Variants in TUT4 observed in about 807,000 individuals in gnomAD.
TUT4 encodes the protein terminal uridylyltransferase 4.
In TUT4, 36 loss-of-function variants were observed where a neutral mutation model predicts 192.2. That is an observed-to-expected ratio of 0.19 (90% CI 0.14 to 0.25). The LOEUF (loss-of-function observed/expected upper bound fraction) is 0.25. Among genes scored for constraint, TUT4 ranks in the 10% least tolerant of loss-of-function variants. TUT4 has a pLI of 1.00. For synonymous variants in TUT4, 618 were observed against 666.0 expected, an observed-to-expected ratio of 0.93 and a Z score of 1.11; for missense variants, 1,493 against 1,957.2, an observed-to-expected ratio of 0.76 and a Z score of 4.47.
At chr1:52,524,816 C>T (rs185260307) in intron 2 of TUT4, among the ~76,000 whole-genome samples, 15 of 151,186 alleles carry the variant, frequency 9.9e-5, no homozygotes, top group African/African-American at 3.1e-4. Flanking sequence ...AAACAAAAAA[C>T]AAAAAAAAAT....
chr1:52,500,231 A>T (rs1314624386), intron 4 of TUT4, among the ~76,000 whole-genome samples: 2 of 152,170 alleles, frequency 1.3e-5, no homozygotes, highest in African/African-American at 2.4e-5. Flanking sequence ...TTTTTCAACA[A>T]ATGTTGCTGG....
chr1:52,493,241 G>A (rs913704015), intron 7 of TUT4, among the ~76,000 whole-genome samples: 2 of 151,900 alleles, frequency 1.3e-5, no homozygotes, highest in Non-Finnish European at 2.9e-5. Flanking sequence ...GTGCCACCAC[G>A]CCTGGCTAAT....
intron 2 of TUT4, among the ~76,000 whole-genome samples, chr1:52,520,501 G>A (rs573404542): frequency 2.6e-5 from 4 of 152,202 alleles, no homozygotes; most frequent in Admixed American, 2.0e-4. Flanking sequence ...CTTATCCTAG[G>A]CTTTCTGAAT....
intron 20 of TUT4, among the ~76,000 whole-genome samples, 197 bp downstream of exon 20, chr1:52,458,139 C>A (rs1437980438): frequency 2.6e-5 from 4 of 152,124 alleles, no homozygotes; most frequent in African/African-American, 9.7e-5. Flanking sequence ...ATCTAATATT[C>A]TTTTGGTAGT....
intron 9 of TUT4, among the ~76,000 whole-genome samples, chr1:52,486,024 G>T (rs980501972): frequency 6.6e-6 from 1 of 152,006 alleles, no homozygotes; most frequent in African/African-American, 2.4e-5. Flanking sequence ...TGTCAAAAAA[G>T]AATTTGAAAC....
At chr1:52,550,495 G>GC (rs1478957977) in intron 1 of TUT4, among the ~76,000 whole-genome samples, 4 of 133,302 alleles carry the variant, frequency 3.0e-5, no homozygotes, top group Middle Eastern at 3.8e-3. Context: ...GGTAAGTATT[G>GC]CTTTTTTTTT....
intron 11 of TUT4, among the ~76,000 whole-genome samples, chr1:52,480,763 A>C (rs1668298871): frequency 6.6e-6 from 1 of 152,240 alleles, no homozygotes; most frequent in South Asian, 2.1e-4. Context: ...CCAGTGAAGT[A>C]ATAAGCAAGC....
At chr1:52,454,802 A>G (rs1660401502) in intron 20 of TUT4, among the ~76,000 whole-genome samples, 1 of 152,240 alleles carries the variant, frequency 6.6e-6, no homozygotes, top group Non-Finnish European at 1.5e-5. Context: ...TGGAGAACAT[A>G]GTTGCAAAAC....
At chr1:52,462,411 C>G (rs529470469) in intron 16 of TUT4, 1 of 152,368 alleles carries the variant, frequency 6.6e-6, no homozygotes, top group South Asian at 2.1e-4. Flanking sequence ...TGGTCTCGAT[C>G]TCCTGACCTC....
At chr1:52,452,100 C>T (rs181314971) in intron 20 of TUT4, among the ~76,000 whole-genome samples, 1 of 151,848 alleles carries the variant, frequency 6.6e-6, no homozygotes, top group East Asian at 2.0e-4. Context: ...CACTTCCTAA[C>T]TCATTCTACA....
At chr1:52,434,343 TCA>T (rs1301302966) in intron 27 of TUT4, 10 of 152,332 alleles carry the variant, frequency 6.6e-5, no homozygotes, top group South Asian at 4.1e-4. Context: ...TCTCTTATTC[TCA>T]GTTTCCCAAT....
chr1:52,451,221 G>GAGCC (rs1659313965), intron 20 of TUT4, among the ~76,000 whole-genome samples: 1 of 151,032 alleles, frequency 6.6e-6, no homozygotes, highest in Non-Finnish European at 1.5e-5. Flanking sequence ...AGCCGAGATT[G>GAGCC]CGCCACTGCA....
chr1:52,545,822 A>G (rs1056762484), intron 1 of TUT4, among the ~76,000 whole-genome samples: 1 of 152,004 alleles, frequency 6.6e-6, no homozygotes, highest in African/African-American at 2.4e-5. Context: ...TAAGGTGTCA[A>G]AAATAATAAT....
chr1:52,431,571 A>G (rs1431433310), intron 27 of TUT4, 111 bp from the exon 28 acceptor site: 2 of 830,406 alleles, frequency 2.4e-6, no homozygotes, highest in East Asian at 5.9e-5. Context: ...TCTATGATGT[A>G]TATCATAACA....
intron 16 of TUT4, chr1:52,463,160 C>G (rs1174716348): frequency 6.1e-6 from 6 of 981,542 alleles, no homozygotes; most frequent in Non-Finnish European, 7.3e-6. Flanking sequence ...AGGAATGGCA[C>G]AGATTATATA....
At chr1:52,536,906 C>T (rs1685052861) in intron 1 of TUT4, among the ~76,000 whole-genome samples, 1 of 151,996 alleles carries the variant, frequency 6.6e-6, no homozygotes, top group Non-Finnish European at 1.5e-5. Context: ...TGGCTCACGC[C>T]TGTAATCCCA....
Position 52,525,894 on chromosome 1 carries a change from T to C in TUT4, c.387A>G (p.Glu129=), listed in dbSNP as rs1681623561. The part of the protein sequence containing the change: ...EKATSLQAKA[E]KSPKSPNSVK... The stretch of plus-strand genomic sequence containing the variant: ...CTGAATTAGGTGACTTTGGTGATTT[T>C]TCTGCTTTTGCCTGTAAACTGGTTG... Residue 129 remains glutamate, a synonymous_variant, in exon 2 of 30, where the codon GAA becomes GAG. Coordinates refer to ENST00000257177, the MANE Select transcript of TUT4 (RefSeq NM_001009881.3). The C allele has an allele frequency of 6.2e-7, 1 of 1,614,010 alleles. No homozygotes were observed. The highest frequency in any genetic ancestry group is 1.7e-5 in the Admixed American group (1 of 59,982).
At chr1:52,539,151 A>G (rs1362713391) in intron 1 of TUT4, among the ~76,000 whole-genome samples, 1 of 152,236 alleles carries the variant, frequency 6.6e-6, no homozygotes, top group Non-Finnish European at 1.5e-5. Flanking sequence ...AAAACTAAAG[A>G]AACATTAAAA....
At chr1:52,521,171 G>A (rs979275543) in intron 2 of TUT4, among the ~76,000 whole-genome samples, 4 of 152,092 alleles carry the variant, frequency 2.6e-5, no homozygotes, top group East Asian at 3.9e-4. Flanking sequence ...CATAAGAGTG[G>A]AATTATCGGT....
Sources: gnomAD v4.1 joint callset for allele counts (sites outside exome capture counted in the v4.1 genomes callset) on GRCh38, gnomAD v4.1.1 for gene constraint, MANE v1.5 for transcripts, NCBI Gene and HGNC (gene_info 2026-07-23, HGNC 2026-07-21) for gene names.